The following ZNF138 variants were observed in gnomAD, a reference collection of about 807,000 sequenced individuals.
ZNF138 encodes the protein zinc finger protein 138 (clone pHZ-32).
A neutral mutation model predicts 33.0 loss-of-function variants in ZNF138; 33 were observed. That is an observed-to-expected ratio of 1.00 (90% CI 0.76 to 1.34). The LOEUF is 1.34. Ranked by LOEUF, ZNF138 falls within the 40% of genes most tolerant of loss-of-function variation. The pLI is 0.00. For synonymous variants in ZNF138, 139 were observed against 120.4 expected (o/e 1.15, Z -1.01); for missense variants, 360 against 370.8 (o/e 0.97, Z 0.24).
At chr7:64,807,990 A>C (rs562702301) in intron 1 of ZNF138, among the ~76,000 whole-genome samples, 63 of 152,314 alleles carry the variant, frequency 4.1e-4, no homozygotes, top group African/African-American at 1.3e-3. Flanking sequence ...CAGGTGATCC[A>C]GGTTCTGGAG....
the ZNF138 span, among the ~76,000 whole-genome samples, chr7:64,858,096 A>G: frequency 2.6e-5 from 4 of 152,244 alleles, no homozygotes; most frequent in African/African-American, 9.6e-5. Flanking sequence ...GCTCCATAGA[A>G]ATCAATGAAA....
intron 1 of ZNF138, among the ~76,000 whole-genome samples, chr7:64,802,555 C>A (rs1023689557): frequency 1.3e-5 from 2 of 151,538 alleles, no homozygotes; most frequent in Non-Finnish European, 2.9e-5. Flanking sequence ...TAATGTTACG[C>A]CAGAGTCAGA....
In ZNF138 at chr7:64,832,009, G is replaced by A. The variant is rs1198098357; in HGVS notation, c.767G>A (p.Cys256Tyr). 12 of 1,613,670 alleles carry A rather than the reference G, an allele frequency of 7.4e-6. No individual in the cohort carries two copies. Among genetic ancestry groups the A allele is most frequent in the Admixed American group, 5.0e-5 (3 of 59,970 alleles). The change falls in exon 4 of 4, where the codon TGT (cysteine) becomes TAT (tyrosine). Residue 256 changes from cysteine (C) to tyrosine (Y), a missense_variant. Physicochemically the swap from Cys to Tyr is radical, Grantham distance 194 (BLOSUM62 -2). Coordinates refer to ENST00000307355, the MANE Select transcript of ZNF138 (RefSeq NM_001271639.2). ...GAAAAACCCTATAAATGTGCACACT[G>A]TGGCAAAGCCTTTAAACAGTCCTCA... ...TGEKPYKCAHCGKAFKQSSHL... is the reference protein window; with the variant it reads ...TGEKPYKCAHYGKAFKQSSHL...
intron 3 of ZNF138, among the ~76,000 whole-genome samples, chr7:64,825,466 C>T (rs11974982): frequency 0.64 from 97,415 of 151,110 alleles, 32,105 homozygotes; most frequent in African/African-American, 0.78. Flanking sequence ...CCACCGCACC[C>T]GGGATTGTAT....
At chr7:64,823,652 T>C (rs775324071) in intron 3 of ZNF138, among the ~76,000 whole-genome samples, 1 of 152,174 alleles carries the variant, frequency 6.6e-6, no homozygotes, top group Non-Finnish European at 1.5e-5. Flanking sequence ...TTAAATTTAA[T>C]GAGGCAGCTG....
At chr7:64,852,335 C>T in the ZNF138 span, 3,256 of 1,105,982 alleles carry the variant, frequency 2.9e-3, 66 homozygotes, top group African/African-American at 0.045. Flanking sequence ...TTAATTGAAG[C>T]GATGATAAAG....
chr7:64,844,765 C>T, the ZNF138 span, among the ~76,000 whole-genome samples: 3 of 152,132 alleles, frequency 2.0e-5, no homozygotes, highest in Non-Finnish European at 4.4e-5. Context: ...CTGCTCACTG[C>T]AACCTCTGCC....
intron 3 of ZNF138, among the ~76,000 whole-genome samples, chr7:64,816,368 A>AT (rs1491098987): frequency 2.0e-5 from 3 of 151,698 alleles, no homozygotes; most frequent in African/African-American, 7.3e-5. Flanking sequence ...GTATCATCTC[A>AT]TTTTTTTATT....
rs770938025 is a variant in ZNF138 at position 64,831,444 on chromosome 7, C to T, written c.209-7C>T. 6.6e-7 allele frequency: 1 copy of T among 1,525,910 alleles called. No homozygotes were observed. 94.5% of individuals were successfully genotyped at this position (1,525,910 alleles called of 1,614,324 possible). The stretch of plus-strand genomic sequence containing the variant: ...TGGAGTAATTTGTTATTTTTTGTTT[C>T]TTTCAGCTCTGTGTTCTCGTTTTGC... On this transcript the variant is annotated splice_region_variant and splice_polypyrimidine_tract_variant and intron_variant, in intron 3 of 3. Transcript: ENST00000307355.
chr7:64,832,509 G>T lies in ZNF138; in HGVS notation c.*307G>T. 1.0e-6 allele frequency: 1 copy of T among 978,836 alleles called. No individual in the cohort carries two copies. The highest frequency in any genetic ancestry group is 1.4e-6 in the Non-Finnish European group (1 of 701,102). 60.6% of individuals were successfully genotyped at this position (978,836 alleles called of 1,614,324 possible). ...TGGGGAGAAACCCCACAAATGTGGA[G>T]AATGCGGAAAAGCCTTTAACTGGTC... On this transcript the variant is annotated 3_prime_UTR_variant, in exon 4 of 4. Coordinates refer to ENST00000307355, the MANE Select transcript of ZNF138 (RefSeq NM_001271639.2).
chr7:64,838,867 G>A, the ZNF138 span, among the ~76,000 whole-genome samples: 1 of 150,266 alleles, frequency 6.7e-6, no homozygotes, highest in South Asian at 2.1e-4. Context: ...GAACTAAAAT[G>A]GTGGCAGAGA....
intron 3 of ZNF138, among the ~76,000 whole-genome samples, chr7:64,822,237 C>T (rs1789225437): frequency 6.6e-6 from 1 of 151,418 alleles, no homozygotes; most frequent in African/African-American, 2.4e-5. Flanking sequence ...AATATTTTCA[C>T]CCATTTTCTA....
At chr7:64,808,600 T>A (rs555551584) in intron 1 of ZNF138, among the ~76,000 whole-genome samples, 6 of 151,564 alleles carry the variant, frequency 4.0e-5, no homozygotes, top group African/African-American at 1.4e-4. Context: ...TTTTTAAATT[T>A]ATTTATTTTT....
chr7:64,795,275 A>G (rs1786593068), intron 1 of ZNF138, among the ~76,000 whole-genome samples: 1 of 152,152 alleles, frequency 6.6e-6, no homozygotes, highest in African/African-American at 2.4e-5. Flanking sequence ...TAAAACCAGA[A>G]ACCCTGGGAC....
intron 1 of ZNF138, among the ~76,000 whole-genome samples, chr7:64,808,357 G>T (rs1562894638): frequency 6.6e-6 from 1 of 152,126 alleles, no homozygotes; most frequent in Non-Finnish European, 1.5e-5. Flanking sequence ...ATTTCCTATG[G>T]CCATTAGAAA....
intron 3 of ZNF138, among the ~76,000 whole-genome samples, chr7:64,825,154 C>CTTTTTTT (rs71061316): frequency 6.5e-5 from 3 of 46,020 alleles, no homozygotes; most frequent in African/African-American, 1.9e-4. Flanking sequence ...GTTGTATGCT[C>CTTTTTTT]TTTTTTTTTT....
intron 1 of ZNF138, among the ~76,000 whole-genome samples, chr7:64,799,628 G>A (rs1009469632): frequency 1.3e-5 from 2 of 151,778 alleles, no homozygotes; most frequent in Non-Finnish European, 2.9e-5. Context: ...GAATGGGATT[G>A]TGTTTTTATT....
chr7:64,814,977 G>A lies in ZNF138; in HGVS notation c.63G>A (p.Leu21=). ...TCTCTTTGGAGGAGTGGCAGTGCCT[G>A]GACACTGCACAGCGGAATGTATATA... ...IEFSLEEWQC[L]DTAQRNVYRH... Residue 21 remains leucine, a synonymous_variant, in exon 2 of 4, where the codon CTG becomes CTA. Coordinates refer to ENST00000307355, the MANE Select transcript of ZNF138 (RefSeq NM_001271639.2). The A allele has an allele frequency of 1.2e-6, 2 of 1,613,302 alleles. No homozygotes were observed. The highest frequency in any genetic ancestry group is 1.7e-6 in the Non-Finnish European group (2 of 1,179,536).
intron 3 of ZNF138, among the ~76,000 whole-genome samples, chr7:64,828,824 G>A (rs959510085): frequency 1.3e-5 from 2 of 150,992 alleles, no homozygotes; most frequent in Non-Finnish European, 2.9e-5. Context: ...ATTGTCTCTC[G>A]ACATTTTATA....
Sources: allele counts gnomAD v4.1 joint callset (sites outside exome capture counted in the v4.1 genomes callset), GRCh38; gene constraint gnomAD v4.1.1; transcripts MANE v1.5; gene names NCBI Gene and HGNC (gene_info 2026-07-23, HGNC 2026-07-21).